ELMO1: variants seen among roughly 807,000 people sequenced by gnomAD.
ELMO1 encodes engulfment and cell motility 1, also known as engulfment and cell motility protein 1.
In ELMO1, 26 loss-of-function variants were observed where a neutral mutation model predicts 98.9. That is an observed-to-expected ratio of 0.26 (90% CI 0.19 to 0.36). The LOEUF is 0.36. Ranked by LOEUF, ELMO1 falls within the 10% of genes least tolerant of loss-of-function variation. The pLI is 1.00. For missense variants in ELMO1, 627 were observed against 935.2 expected (o/e 0.67, Z 4.30); for synonymous variants, 346 against 346.0 (o/e 1.00, Z 0.00).
chr7:37,294,695 T>C (rs919266404), intron 4 of ELMO1, among the ~76,000 whole-genome samples: 9 of 152,234 alleles, frequency 5.9e-5, no homozygotes, highest in African/African-American at 1.7e-4. Context: ...ATTTATGTCA[T>C]GGGATATCAT....
intron 13 of ELMO1, among the ~76,000 whole-genome samples, chr7:37,183,310 A>G (rs1005138571): frequency 1.2e-4 from 18 of 152,370 alleles, no homozygotes; most frequent in African/African-American, 4.1e-4. Context: ...AAAGAAACAT[A>G]GTAAACATTC....
chr7:37,294,037 G>A (rs996812233), intron 4 of ELMO1, among the ~76,000 whole-genome samples: 4 of 152,050 alleles, frequency 2.6e-5, no homozygotes, highest in Non-Finnish European at 5.9e-5. Context: ...TTTGTTATCT[G>A]ATGTTTTCTC....
At chr7:37,239,568 T>G (rs1179008565) in intron 7 of ELMO1, among the ~76,000 whole-genome samples, 1 of 152,212 alleles carries the variant, frequency 6.6e-6, no homozygotes, top group Non-Finnish European at 1.5e-5. Context: ...ATGCTGAGAC[T>G]AAGTTATGAG....
intron 20 of ELMO1, 103 bp from the exon 21 acceptor site, chr7:36,861,839 T>C: frequency 9.0e-7 from 1 of 1,115,654 alleles, no homozygotes; most frequent in Non-Finnish European, 1.4e-6. Flanking sequence ...CCAGCTTGTC[T>C]AGCCAAGCGG....
At chr7:37,135,630 A>G (rs933632402) in intron 13 of ELMO1, among the ~76,000 whole-genome samples, 19 of 152,140 alleles carry the variant, frequency 1.2e-4, no homozygotes, top group African/African-American at 3.1e-4. Flanking sequence ...AGCAAAAACA[A>G]TCACTACAGC....
At chr7:37,294,944 G>A (rs1398132999) in intron 4 of ELMO1, among the ~76,000 whole-genome samples, 2 of 150,916 alleles carry the variant, frequency 1.3e-5, no homozygotes, top group Admixed American at 6.6e-5. Context: ...AGGTTGCAAT[G>A]AGCCACAATC....
chr7:36,968,409 T>TAA (rs1789625628), intron 16 of ELMO1, among the ~76,000 whole-genome samples: 3 of 152,242 alleles, frequency 2.0e-5, no homozygotes, highest in Admixed American at 2.0e-4. Context: ...TGGCAAAGTA[T>TAA]GACACTTTGC....
intron 14 of ELMO1, among the ~76,000 whole-genome samples, chr7:37,129,045 G>A (rs147700685): frequency 5.3e-5 from 8 of 152,176 alleles, no homozygotes; most frequent in African/African-American, 1.9e-4. Flanking sequence ...GGCACATGAT[G>A]TGGGACAGGC....
chr7:37,171,760 G>A (rs1202565840), intron 13 of ELMO1, among the ~76,000 whole-genome samples: 2 of 151,922 alleles, frequency 1.3e-5, no homozygotes, highest in East Asian at 1.9e-4. Context: ...CCAAAGTGCT[G>A]GGATTACAGG....
intron 1 of ELMO1, among the ~76,000 whole-genome samples, chr7:37,350,673 C>A (rs997144083): frequency 6.6e-6 from 1 of 152,154 alleles, no homozygotes; most frequent in Non-Finnish European, 1.5e-5. Flanking sequence ...TGAATTGTGT[C>A]CCCCTCAAAA....
chr7:37,256,615 G>A (rs1331480320), intron 6 of ELMO1, among the ~76,000 whole-genome samples: 4 of 134,384 alleles, frequency 3.0e-5, no homozygotes. Context: ...AAAAGGGGAG[G>A]GGAGGGCAGA....
chr7:37,380,182 G>A (rs1331004256), intron 1 of ELMO1, among the ~76,000 whole-genome samples: 1 of 152,080 alleles, frequency 6.6e-6, no homozygotes, highest in Non-Finnish European at 1.5e-5. Flanking sequence ...TCCTCTTCCT[G>A]GCTTGCAAAC....
intron 19 of ELMO1, among the ~76,000 whole-genome samples, chr7:36,875,993 G>T (rs1051423007): frequency 6.6e-6 from 1 of 152,160 alleles, no homozygotes; most frequent in East Asian, 1.9e-4. Flanking sequence ...GACCATATGG[G>T]GAGTCAAGCT....
intron 16 of ELMO1, among the ~76,000 whole-genome samples, chr7:36,897,465 G>C (rs1286965636): frequency 6.6e-6 from 1 of 151,572 alleles, no homozygotes; most frequent in African/African-American, 2.4e-5. Context: ...TTGGATGATA[G>C]TTTGTTCCTG....
chr7:37,279,204 AAAAC>A (rs80120876), intron 4 of ELMO1, among the ~76,000 whole-genome samples: 129 of 150,698 alleles, frequency 8.6e-4, no homozygotes, highest in Middle Eastern at 3.4e-3. Context: ...CTCCGTTTCA[AAAAC>A]AAACAAACAA....
chr7:37,275,720 C>T (rs753534745), intron 4 of ELMO1, among the ~76,000 whole-genome samples: 2 of 152,218 alleles, frequency 1.3e-5, no homozygotes, highest in Non-Finnish European at 2.9e-5. Flanking sequence ...CTTCCTTCCC[C>T]CATGCTTTTA....
intron 16 of ELMO1, among the ~76,000 whole-genome samples, chr7:36,994,048 G>T (rs1792040693): frequency 6.6e-6 from 1 of 152,222 alleles, no homozygotes; most frequent in Admixed American, 6.5e-5. Flanking sequence ...TGAGGAGTTG[G>T]TGCATTTATT....
At chr7:37,039,398 G>T (rs573629846) in intron 15 of ELMO1, among the ~76,000 whole-genome samples, 3 of 152,238 alleles carry the variant, frequency 2.0e-5, no homozygotes, top group Non-Finnish European at 4.4e-5. Context: ...TTCTCTTCTA[G>T]CAGGCTCCTG....
At position 37,050,491 on chromosome 7, in the gene ELMO1, A is replaced by C. The variant is rs117486514; in HGVS notation, c.1301-37056T>G. Among the ~76,000 whole-genome samples, 8 of 152,208 alleles carry C rather than the reference A, an allele frequency of 5.3e-5. No homozygotes were observed. In the East Asian group the frequency reaches 1.5e-3, roughly 29 times the overall value. ...TGCTATGGTGCACAAGCCTTACAACAACTCTGCAAGGGAGTGCACGCAAAT... is the reference window on the plus strand; with the variant it reads ...TGCTATGGTGCACAAGCCTTACAACCACTCTGCAAGGGAGTGCACGCAAAT... On this transcript the variant is annotated intron_variant, in intron 15 of 21. Coordinates refer to ENST00000310758, the MANE Select transcript of ELMO1 (RefSeq NM_014800.11).
Sources: gnomAD v4.1 joint callset for allele counts (sites outside exome capture counted in the v4.1 genomes callset) on GRCh38, gnomAD v4.1.1 for gene constraint, MANE v1.5 for transcripts, NCBI Gene and HGNC (gene_info 2026-07-23, HGNC 2026-07-21) for gene names.